Variants in SCHIP1 observed in about 807,000 individuals in gnomAD.
The protein encoded by SCHIP1 is schwannomin interacting protein 1.
In SCHIP1, 8 loss-of-function variants were observed where a neutral mutation model predicts 29.7. The observed-to-expected ratio is 0.27, with a 90% CI of 0.16 to 0.49. The LOEUF (loss-of-function observed/expected upper bound fraction) is 0.49. Among genes scored for constraint, SCHIP1 ranks in the 20% least tolerant of loss-of-function variants. The probability of loss-of-function intolerance (pLI) is 0.99; values close to 1 mark genes in which losing one functional copy is unlikely to be tolerated. For missense variants in SCHIP1, 193 were observed against 294.6 expected (o/e 0.66, Z 2.52); for synonymous variants, 76 against 94.9 (o/e 0.80, Z 1.16).
intron 1 of SCHIP1, among the ~76,000 whole-genome samples, chr3:159,850,053 C>T (rs1712374055): frequency 6.6e-6 from 1 of 152,160 alleles, no homozygotes; most frequent in South Asian, 2.1e-4. Context: ...TAAAAGACAC[C>T]AGGTAAACTG....
At chr3:159,433,009 T>C in the SCHIP1 span, among the ~76,000 whole-genome samples, 1 of 152,136 alleles carries the variant, frequency 6.6e-6, no homozygotes, top group Admixed American at 6.6e-5. Flanking sequence ...AGATTTGAGG[T>C]GAAGCTTCTA....
At chr3:159,418,595 T>C in the SCHIP1 span, among the ~76,000 whole-genome samples, 2 of 152,262 alleles carry the variant, frequency 1.3e-5, no homozygotes, top group East Asian at 3.8e-4. Flanking sequence ...CTTCAAAGTA[T>C]ACAAAATATT....
chr3:159,536,775 C>A, the SCHIP1 span, among the ~76,000 whole-genome samples: 3 of 152,178 alleles, frequency 2.0e-5, no homozygotes, highest in African/African-American at 7.2e-5. Context: ...CTAATTGTTA[C>A]ATTTTCAGGA....
chr3:159,763,950 C>G, the SCHIP1 span: 1 of 146,090 alleles, frequency 6.8e-6, no homozygotes, highest in South Asian at 2.2e-4. Context: ...AGGGGCGGGG[C>G]GGGGCGGGGC....
At chr3:159,424,436 A>G in the SCHIP1 span, among the ~76,000 whole-genome samples, 5 of 152,224 alleles carry the variant, frequency 3.3e-5, no homozygotes, top group Non-Finnish European at 5.9e-5. Flanking sequence ...ATATCAGTGT[A>G]TCAGTGACGG....
At chr3:159,556,028 ACATG>A in the SCHIP1 span, among the ~76,000 whole-genome samples, 3 of 152,190 alleles carry the variant, frequency 2.0e-5, no homozygotes, top group African/African-American at 7.2e-5. Context: ...TAACAAACTT[ACATG>A]TTCTGCACAT....
the SCHIP1 span, among the ~76,000 whole-genome samples, chr3:159,654,352 T>G: frequency 6.6e-6 from 1 of 152,198 alleles, no homozygotes. Flanking sequence ...ACTTTTTATT[T>G]ACCGTTTGAC....
the SCHIP1 span, among the ~76,000 whole-genome samples, chr3:159,770,617 C>T: frequency 2.0e-5 from 3 of 152,166 alleles, no homozygotes; most frequent in East Asian, 1.9e-4. Flanking sequence ...GGCTTGATCA[C>T]GTGGTAGGTG....
At chr3:159,674,332 C>A in the SCHIP1 span, among the ~76,000 whole-genome samples, 1 of 152,126 alleles carries the variant, frequency 6.6e-6, no homozygotes, top group Admixed American at 6.5e-5. Context: ...AAGTCCCCAG[C>A]ACTGGTTGAA....
chr3:159,299,782 C>T, the SCHIP1 span, among the ~76,000 whole-genome samples: 2 of 152,140 alleles, frequency 1.3e-5, no homozygotes, highest in Non-Finnish European at 2.9e-5. Flanking sequence ...TGGCCATGGG[C>T]TTGTTTCTTC....
intron 2 of SCHIP1, among the ~76,000 whole-genome samples, chr3:159,877,828 G>T (rs1163816278): frequency 6.6e-6 from 1 of 152,146 alleles, no homozygotes. Flanking sequence ...GAATAAATAG[G>T]CAGCCTGGCT....
At chr3:159,624,385 G>A in the SCHIP1 span, among the ~76,000 whole-genome samples, 3 of 152,264 alleles carry the variant, frequency 2.0e-5, no homozygotes, top group African/African-American at 7.2e-5. Flanking sequence ...AGTCTATCAG[G>A]CTTCCTCTGG....
At chr3:159,593,705 T>TGAA in the SCHIP1 span, among the ~76,000 whole-genome samples, 460 of 151,686 alleles carry the variant, frequency 3.0e-3, 2 homozygotes, top group South Asian at 0.021. Flanking sequence ...AGAAGAGATC[T>TGAA]GAAGAAGAAG....
chr3:159,341,992 A>AAT, the SCHIP1 span, among the ~76,000 whole-genome samples: 4 of 152,216 alleles, frequency 2.6e-5, no homozygotes, highest in African/African-American at 4.8e-5. Context: ...TATGTAAGGG[A>AAT]ATATATATAG....
At chr3:159,588,469 A>T in the SCHIP1 span, among the ~76,000 whole-genome samples, 1 of 152,168 alleles carries the variant, frequency 6.6e-6, no homozygotes, top group African/African-American at 2.4e-5. Context: ...CTTTAGTTTA[A>T]TTAGATCCCA....
At chr3:159,676,239 A>T in the SCHIP1 span, among the ~76,000 whole-genome samples, 1 of 152,208 alleles carries the variant, frequency 6.6e-6, no homozygotes, top group Non-Finnish European at 1.5e-5. Context: ...ATTCTTCCTA[A>T]GGAAACAGAT....
At chr3:159,794,377 A>G in the SCHIP1 span, among the ~76,000 whole-genome samples, 1 of 152,234 alleles carries the variant, frequency 6.6e-6, no homozygotes, top group Non-Finnish European at 1.5e-5. Context: ...AGCTTGTTTC[A>G]GAAGTGGATT....
At chr3:159,640,286 A>C in the SCHIP1 span, among the ~76,000 whole-genome samples, 1 of 152,150 alleles carries the variant, frequency 6.6e-6, no homozygotes, top group Non-Finnish European at 1.5e-5. Flanking sequence ...TGAGGTACAA[A>C]TGAGAAATTG....
the SCHIP1 span, among the ~76,000 whole-genome samples, chr3:159,748,905 A>G: frequency 6.6e-6 from 1 of 152,330 alleles, no homozygotes; most frequent in East Asian, 1.9e-4. Context: ...AGAATGGTCT[A>G]CTTTATTTTT....
Sources: gnomAD v4.1 joint callset for allele counts (sites outside exome capture counted in the v4.1 genomes callset) on GRCh38, gnomAD v4.1.1 for gene constraint, MANE v1.5 for transcripts, NCBI Gene and HGNC (gene_info 2026-07-23, HGNC 2026-07-21) for gene names.